Variants in ADK observed in about 807,000 individuals in gnomAD.
ADK encodes adenosine kinase.
ADK carries 24 observed loss-of-function variants against 44.7 expected under a neutral mutation model. The observed-to-expected ratio is 0.54, with a 90% CI of 0.39 to 0.76. ADK has a LOEUF of 0.76. Ranked by LOEUF, ADK falls within the 30% of genes least tolerant of loss-of-function variation. The probability of loss-of-function intolerance (pLI) is 0.00; values close to 1 mark genes in which losing one functional copy is unlikely to be tolerated. For synonymous variants in ADK, 128 were observed against 142.6 expected (o/e 0.90, Z 0.73); for missense variants, 321 against 425.1 (o/e 0.76, Z 2.15).
chr10:74,384,701 T>C (rs1843084942), intron 4 of ADK, among the ~76,000 whole-genome samples: 1 of 151,842 alleles, frequency 6.6e-6, no homozygotes, highest in South Asian at 2.1e-4. Context: ...ACAATGGGTA[T>C]ATAGAACAGA....
intron 9 of ADK, among the ~76,000 whole-genome samples, chr10:74,638,682 C>T (rs7904489): frequency 0.032 from 4,833 of 152,228 alleles, 113 homozygotes; most frequent in South Asian, 0.089. Context: ...TTTGAACCTT[C>T]GTACATTTTT....
At chr10:74,420,053 G>A (rs1023824968) in intron 6 of ADK, among the ~76,000 whole-genome samples, 23 of 152,134 alleles carry the variant, frequency 1.5e-4, no homozygotes, top group African/African-American at 5.6e-4. Flanking sequence ...GGGGGAGGAA[G>A]CTAAAATCTT....
chr10:74,559,352 A>G (rs573006274), intron 7 of ADK, among the ~76,000 whole-genome samples: 1 of 152,386 alleles, frequency 6.6e-6, no homozygotes, highest in South Asian at 2.1e-4. Context: ...ATCTTCTCAC[A>G]TAAAATAGCT....
chr10:74,193,511 A>G (rs534842961), intron 1 of ADK, among the ~76,000 whole-genome samples: 1 of 152,214 alleles, frequency 6.6e-6, no homozygotes, highest in South Asian at 2.1e-4. Flanking sequence ...TGTGCTAGGC[A>G]TGCTGGCTCA....
At chr10:74,579,328 A>G (rs2133888575) in intron 7 of ADK, among the ~76,000 whole-genome samples, 1 of 152,230 alleles carries the variant, frequency 6.6e-6, no homozygotes, top group Middle Eastern at 3.4e-3. Context: ...ATTTTTTTAA[A>G]CTAATAAATG....
intron 4 of ADK, among the ~76,000 whole-genome samples, chr10:74,339,368 T>G (rs1017759988): frequency 1.3e-5 from 2 of 152,264 alleles, no homozygotes; most frequent in Non-Finnish European, 2.9e-5. Flanking sequence ...AAAGACAGTC[T>G]TGATTTCTTC....
intron 9 of ADK, among the ~76,000 whole-genome samples, chr10:74,641,253 C>T (rs972335133): frequency 6.6e-6 from 1 of 152,172 alleles, no homozygotes; most frequent in Non-Finnish European, 1.5e-5. Flanking sequence ...CATAATGGCC[C>T]ATGCCTAAAA....
chr10:74,462,853 G>T (rs1188568920), intron 6 of ADK, among the ~76,000 whole-genome samples: 2 of 152,034 alleles, frequency 1.3e-5, no homozygotes, highest in Admixed American at 1.3e-4. Context: ...CTATATTAAG[G>T]ATAGGCTATT....
intron 1 of ADK, among the ~76,000 whole-genome samples, chr10:74,166,089 G>A (rs968097396): frequency 6.6e-5 from 10 of 152,058 alleles, no homozygotes; most frequent in Non-Finnish European, 1.3e-4. Context: ...AAGGGCATGC[G>A]CCACCACACC....
At chr10:74,265,575 A>G (rs192089484) in intron 3 of ADK, among the ~76,000 whole-genome samples, 108 of 151,810 alleles carry the variant, frequency 7.1e-4, no homozygotes, top group African/African-American at 2.5e-3. Context: ...CTGTGATGAT[A>G]TTTGAGAAAA....
Position 74,441,514 on chromosome 10 carries a change from T to A in ADK, c.555+42935T>A, listed in dbSNP as rs146807466. 2.4e-3 allele frequency among the ~76,000 whole-genome samples: 362 copies of A among 152,324 alleles called. 2 individuals are homozygous for A. Among genetic ancestry groups the A allele is most frequent in the African/African-American group, 8.3e-3 (344 of 41,574 alleles). The stretch of plus-strand genomic sequence containing the variant: ...ACTGAAATGTTCATCAACTGCTGAA[T>A]GGATAAATAAAATTAGATTGTTATT... On this transcript the variant is annotated intron_variant, in intron 6 of 10. Coordinates refer to ENST00000539909, the MANE Select transcript of ADK (RefSeq NM_006721.4).
intron 1 of ADK, among the ~76,000 whole-genome samples, chr10:74,171,545 G>C (rs1188673639): frequency 6.6e-6 from 1 of 152,154 alleles, no homozygotes; most frequent in African/African-American, 2.4e-5. Context: ...CACAAGATTA[G>C]ATAAAGTATA....
At chr10:74,401,445 T>G (rs1003851443) in intron 6 of ADK, among the ~76,000 whole-genome samples, 6 of 152,198 alleles carry the variant, frequency 3.9e-5, no homozygotes, top group Non-Finnish European at 8.8e-5. Context: ...CATATATATT[T>G]AGGATAGTTA....
chr10:74,433,282 C>A (rs1388869873), intron 6 of ADK, among the ~76,000 whole-genome samples: 3 of 152,146 alleles, frequency 2.0e-5, no homozygotes, highest in African/African-American at 7.2e-5. Context: ...ATTCAATAGC[C>A]AGTCTTGAAT....
intron 6 of ADK, among the ~76,000 whole-genome samples, chr10:74,501,737 C>A (rs73272273): frequency 0.043 from 6,608 of 152,074 alleles, 435 homozygotes; most frequent in African/African-American, 0.14. Context: ...AGAAAATGGA[C>A]GAAGCCAGAC....
chr10:74,187,838 C>T (rs1268481383), intron 1 of ADK, among the ~76,000 whole-genome samples: 4 of 152,116 alleles, frequency 2.6e-5, no homozygotes, highest in Admixed American at 2.0e-4. Flanking sequence ...GATTAGATAG[C>T]TGTGGGTCTT....
At chr10:74,355,650 A>G (rs1386007210) in intron 4 of ADK, among the ~76,000 whole-genome samples, 3 of 152,202 alleles carry the variant, frequency 2.0e-5, no homozygotes, top group Admixed American at 1.3e-4. Context: ...AAATTTTAAA[A>G]GTGTCTAACT....
intron 7 of ADK, among the ~76,000 whole-genome samples, chr10:74,540,273 G>A (rs1314497991): frequency 1.3e-5 from 2 of 151,950 alleles, no homozygotes; most frequent in African/African-American, 2.4e-5. Flanking sequence ...GAATTACTAC[G>A]GAGATAATCA....
rs1345779238 is a variant in ADK, at chr10:74,364,954, G to A, written c.274-29187G>A. On this transcript the variant is annotated intron_variant, in intron 4 of 10. Transcript: ENST00000539909. Reference sequence around the variant, plus strand: ...TTAGATTACAGGACAATTTTCCTCTGTTCTCCGTACATCCAGCCTGGCTGT... The same window carrying A: ...TTAGATTACAGGACAATTTTCCTCTATTCTCCGTACATCCAGCCTGGCTGT... Among the ~76,000 whole-genome samples the A allele has an allele frequency of 2.0e-5, 3 of 151,774 alleles. No individual in the cohort carries two copies. The East Asian group carries it at 5.8e-4, about 29-fold the overall frequency.
Sources: gnomAD v4.1 joint callset for allele counts (sites outside exome capture counted in the v4.1 genomes callset) on GRCh38, gnomAD v4.1.1 for gene constraint, MANE v1.5 for transcripts, NCBI Gene and HGNC (gene_info 2026-07-23, HGNC 2026-07-21) for gene names.